The following ZBTB16 variants were observed in gnomAD, a reference collection of about 807,000 sequenced individuals.
ZBTB16 encodes zinc finger and BTB domain-containing protein 16.
ZBTB16 carries 8 observed loss-of-function variants against 56.8 expected under a neutral mutation model. That is an observed-to-expected ratio of 0.14 (90% CI 0.08 to 0.25). ZBTB16 has a LOEUF of 0.25. Among genes scored for constraint, ZBTB16 ranks in the 10% least tolerant of loss-of-function variants. ZBTB16 has a pLI of 1.00. For synonymous variants in ZBTB16, 363 were observed against 368.5 expected (o/e 0.98, Z 0.17); for missense variants, 625 against 903.0 (o/e 0.69, Z 3.95).
intron 4 of ZBTB16, among the ~76,000 whole-genome samples, chr11:114,229,619 G>A (rs1384178864): frequency 6.6e-6 from 1 of 152,182 alleles, no homozygotes; most frequent in Non-Finnish European, 1.5e-5. Flanking sequence ...TCGTAGCTAC[G>A]TTCTCTGCTC....
intron 4 of ZBTB16, among the ~76,000 whole-genome samples, chr11:114,235,391 C>T (rs1944542688): frequency 1.3e-5 from 2 of 152,234 alleles, no homozygotes; most frequent in African/African-American, 4.8e-5. Context: ...GAAGGTGTAG[C>T]ACCTGAACAT....
intron 2 of ZBTB16, among the ~76,000 whole-genome samples, chr11:114,117,199 A>C (rs1941198516): frequency 6.6e-6 from 1 of 152,108 alleles, no homozygotes; most frequent in African/African-American, 2.4e-5. Flanking sequence ...CCAGAGCTTG[A>C]GATGTATAAA....
At chr11:114,221,219 A>G (rs2135151238) in intron 4 of ZBTB16, among the ~76,000 whole-genome samples, 1 of 152,230 alleles carries the variant, frequency 6.6e-6, no homozygotes, top group South Asian at 2.1e-4. Context: ...TCAAACAGAT[A>G]CTCCCTGGAG....
intron 4 of ZBTB16, among the ~76,000 whole-genome samples, chr11:114,200,937 G>A (rs772919570): frequency 1.6e-4 from 24 of 152,120 alleles, no homozygotes; most frequent in Non-Finnish European, 3.4e-4. Flanking sequence ...TAGGATGTTG[G>A]TAGCATTTTG....
intron 4 of ZBTB16, among the ~76,000 whole-genome samples, chr11:114,223,449 T>C (rs1450919988): frequency 6.6e-6 from 1 of 152,174 alleles, no homozygotes; most frequent in Admixed American, 6.5e-5. Flanking sequence ...TTGAAGTTGG[T>C]CAGAGTCAGA....
At position 114,190,740 on chromosome 11, in the gene ZBTB16, C is replaced by T. The variant is rs200409914; in HGVS notation, c.1453+3702C>T. Among the ~76,000 whole-genome samples, 274 of 140,780 alleles carry T rather than the reference C, an allele frequency of 1.9e-3. 2 individuals are homozygous for T. Among genetic ancestry groups the T allele is most frequent in the Middle Eastern group, 7.0e-3 (2 of 284 alleles). 92.4% of individuals were successfully genotyped at this position (140,780 alleles called of 152,430 possible). ...GCCACCTCTCTCTCATACACACACA[C>T]ACACACACACACACACACATATATA... On this transcript the variant is annotated intron_variant, in intron 4 of 6. Coordinates refer to ENST00000335953, the MANE Select transcript of ZBTB16 (RefSeq NM_006006.6).
intron 4 of ZBTB16, among the ~76,000 whole-genome samples, chr11:114,233,073 G>GCC (rs1335081442): frequency 1.3e-5 from 1 of 74,558 alleles, no homozygotes. Context: ...GCATGCGCGC[G>GCC]CGCGCGCGCA....
At chr11:114,179,815 T>G (rs1943204555) in intron 3 of ZBTB16, among the ~76,000 whole-genome samples, 1 of 152,124 alleles carries the variant, frequency 6.6e-6, no homozygotes, top group South Asian at 2.1e-4. Flanking sequence ...GCTTCCTTCC[T>G]GGATGCCGGG....
At chr11:114,087,896 C>T (rs1009941915) in intron 2 of ZBTB16, among the ~76,000 whole-genome samples, 3 of 152,150 alleles carry the variant, frequency 2.0e-5, no homozygotes, top group African/African-American at 7.2e-5. Context: ...CCTTTTAGTC[C>T]ACTCTCTAGC....
intron 3 of ZBTB16, among the ~76,000 whole-genome samples, chr11:114,175,135 C>T (rs1943074804): frequency 6.6e-6 from 1 of 152,212 alleles, no homozygotes; most frequent in Non-Finnish European, 1.5e-5. Context: ...ACACCACTCA[C>T]TCAGAAATGG....
At chr11:114,077,522 C>T (rs1939614308) in intron 2 of ZBTB16, among the ~76,000 whole-genome samples, 1 of 152,148 alleles carries the variant, frequency 6.6e-6, no homozygotes, top group South Asian at 2.1e-4. Flanking sequence ...GGGAGAACAC[C>T]TTCTCTTTCT....
chr11:114,155,602 T>C (rs554894158), intron 2 of ZBTB16, among the ~76,000 whole-genome samples: 2 of 152,304 alleles, frequency 1.3e-5, no homozygotes, highest in East Asian at 3.9e-4. Context: ...AATGAGAGCA[T>C]GTGTATGAAG....
intron 2 of ZBTB16, among the ~76,000 whole-genome samples, chr11:114,078,720 A>G (rs1481624151): frequency 6.6e-6 from 1 of 152,034 alleles, no homozygotes; most frequent in Non-Finnish European, 1.5e-5. Flanking sequence ...TCCTCACTCA[A>G]GAAGGAGACT....
At chr11:114,215,338 C>G (rs1022692159) in intron 4 of ZBTB16, among the ~76,000 whole-genome samples, 1 of 152,162 alleles carries the variant, frequency 6.6e-6, no homozygotes, top group African/African-American at 2.4e-5. Flanking sequence ...TCTGCTCCCT[C>G]TTCTCATTGA....
chr11:114,243,161 C>G lies in ZBTB16; in HGVS notation c.1624+824C>G, dbSNP rs78088376. On this transcript the variant is annotated intron_variant, in intron 5 of 6. Transcript: ENST00000335953. ...TTTTCTCTATGACAAAACTGGGGCT[C>G]TGCTGAAACTACCTGGTTAAAGGAA... Among the ~76,000 whole-genome samples, 13 of 152,340 alleles carry G rather than the reference C, an allele frequency of 8.5e-5. No individual in the cohort carries two copies. The East Asian group carries it at 2.5e-3, about 29-fold the overall frequency.
At chr11:114,176,323 A>T (rs2135027420) in intron 3 of ZBTB16, among the ~76,000 whole-genome samples, 1 of 152,286 alleles carries the variant, frequency 6.6e-6, no homozygotes, top group East Asian at 1.9e-4. Context: ...TGGCTTTATT[A>T]TCCAGCCTCT....
intron 3 of ZBTB16, among the ~76,000 whole-genome samples, chr11:114,183,110 A>C (rs965109366): frequency 1.3e-5 from 2 of 152,128 alleles, no homozygotes; most frequent in African/African-American, 2.4e-5. Flanking sequence ...CTGGGGGGGA[A>C]GTCAGAGCCT....
chr11:114,172,189 C>A (rs116353962), intron 3 of ZBTB16, among the ~76,000 whole-genome samples: 1 of 152,220 alleles, frequency 6.6e-6, no homozygotes, highest in African/African-American at 2.4e-5. Context: ...GAATGTCCTG[C>A]GACCGCACAC....
intron 4 of ZBTB16, among the ~76,000 whole-genome samples, chr11:114,231,680 G>A (rs1378623145): frequency 6.6e-6 from 1 of 152,112 alleles, no homozygotes; most frequent in Non-Finnish European, 1.5e-5. Context: ...TCTTTGCCTT[G>A]TCTGTGACTG....
Sources: allele counts gnomAD v4.1 joint callset (sites outside exome capture counted in the v4.1 genomes callset), GRCh38; gene constraint gnomAD v4.1.1; transcripts MANE v1.5; gene names NCBI Gene and HGNC (gene_info 2026-07-23, HGNC 2026-07-21).